USP39: variants seen among roughly 807,000 people sequenced by gnomAD.
The protein encoded by USP39 is ubiquitin specific peptidase 39.
Under a neutral mutation model 66.4 loss-of-function variants are expected in USP39, and 38 were observed. The observed-to-expected ratio is 0.57, with a 90% confidence interval of 0.44 to 0.75. USP39 has a LOEUF of 0.75. Among genes scored for constraint, USP39 ranks in the 30% least tolerant of loss-of-function variants. The pLI is 0.00. For missense variants in USP39, 608 were observed against 714.4 expected (o/e 0.85, Z 1.70); for synonymous variants, 303 against 274.6 (o/e 1.10, Z -1.02).
intron 6 of USP39, among the ~76,000 whole-genome samples, chr2:85,633,732 A>G (rs1403535689): frequency 2.0e-5 from 3 of 151,534 alleles, no homozygotes; most frequent in African/African-American, 4.8e-5. Flanking sequence ...GTCCCACTGT[A>G]CTCCAGCCTG....
At chr2:85,613,410 G>T (rs1157384973), upstream of USP39, among the ~76,000 whole-genome samples, 1 of 152,136 alleles carries the variant, frequency 6.6e-6, no homozygotes, top group Non-Finnish European at 1.5e-5. Context: ...TACTTGGGAG[G>T]CTGAGGCAGG....
intron 6 of USP39, among the ~76,000 whole-genome samples, chr2:85,634,264 C>T (rs932439884): frequency 6.6e-6 from 1 of 151,874 alleles, no homozygotes; most frequent in African/African-American, 2.4e-5. Flanking sequence ...GGGTTGGTTA[C>T]AACATGGCCA....
chr2:85,645,276 GC>G, intron 11 of USP39, 193 bp downstream of exon 11: 4 of 543,088 alleles, frequency 7.4e-6, no homozygotes, highest in Non-Finnish European at 9.1e-6. Flanking sequence ...CACCTTGGGA[GC>G]TTTTTTTTTT....
At chr2:85,640,348 G>C (rs966565509) in intron 9 of USP39, among the ~76,000 whole-genome samples, 1 of 151,448 alleles carries the variant, frequency 6.6e-6, no homozygotes. Flanking sequence ...GAGTGCAGTG[G>C]TGTGATCTCA....
At chr2:85,606,613 G>A (rs909031363) in intron 1 of USP39, 1 of 152,104 alleles carries the variant, frequency 6.6e-6, no homozygotes, top group Non-Finnish European at 1.5e-5. Flanking sequence ...GCTCTCTTGG[G>A]TAAAAAATAT....
chr2:85,612,044 C>A (rs1020330973), upstream of USP39: 2 of 1,256,168 alleles, frequency 1.6e-6, no homozygotes, highest in African/African-American at 1.5e-5. Context: ...GCCACCCGCC[C>A]ACAGAGCTCC....
intron 4 of USP39, among the ~76,000 whole-genome samples, chr2:85,624,031 T>G (rs868398807): frequency 6.6e-6 from 1 of 152,180 alleles, no homozygotes; most frequent in African/African-American, 2.4e-5. Flanking sequence ...AATATGGGTG[T>G]ATTCTGATGG....
At position 85,642,977 on chromosome 2, in the gene USP39, C is replaced by T. The variant is rs1448021678; in HGVS notation, c.1427+1859C>T. On this transcript the variant is annotated intron_variant, in intron 10 of 12. Transcript: ENST00000323701. ...TTAGGCTGGGCGCAGTGGCTCACAT[C>T]TGTAATGTCATCACTTTGGGAGGCC... Among the ~76,000 whole-genome samples, 3 of 151,616 alleles carry T rather than the reference C, an allele frequency of 2.0e-5. No homozygotes were observed. The Admixed American group carries it at 2.0e-4, about 10-fold the overall frequency.
At chr2:85,625,323 T>C (rs1200747946) in intron 4 of USP39, among the ~76,000 whole-genome samples, 1 of 152,178 alleles carries the variant, frequency 6.6e-6, no homozygotes, top group African/African-American at 2.4e-5. Context: ...GATTCAGTGA[T>C]TTTGGGATAG....
At chr2:85,626,068 T>A (rs956541673) in intron 5 of USP39, among the ~76,000 whole-genome samples, 2 of 147,078 alleles carry the variant, frequency 1.4e-5, no homozygotes, top group Non-Finnish European at 3.0e-5. Flanking sequence ...GCCAAGAAAT[T>A]ACTGCCTTCG....
Position 85,616,293 on chromosome 2 carries a change from A to G in USP39, c.98A>G (p.Asp33Gly). ...GSSGRVKRER[D>G]REREPEAASS... is the part of the protein sequence containing the mutation. ...TCCGGTCGCGTCAAGCGGGAGCGAG[A>G]TCGGGAGCGGGAGCCTGAGGCGGCG... The change falls in exon 1 of 13, where the codon GAT becomes GGT. Residue 33 changes from aspartate to glycine, a missense_variant. Coordinates refer to ENST00000323701, the MANE Select transcript of USP39 (RefSeq NM_006590.4). The G allele has an allele frequency of 1.3e-6, 2 of 1,566,686 alleles. No individual in the cohort carries two copies. Among genetic ancestry groups the G allele is most frequent in the South Asian group, 2.3e-5 (2 of 86,238 alleles).
At chr2:85,631,019 GA>G in intron 6 of USP39, 73 bp downstream of exon 6, 2 of 1,497,360 alleles carry the variant, frequency 1.3e-6, no homozygotes, top group East Asian at 2.3e-5. Context: ...ACTTGGCAGT[GA>G]ATTTTTTTTT....
At chr2:85,609,081 G>A, upstream of USP39, 1 of 1,613,814 alleles carries the variant, frequency 6.2e-7, no homozygotes, top group Non-Finnish European at 8.5e-7. Flanking sequence ...CGTGGAGGAA[G>A]AGTCAGAAGG....
chr2:85,627,238 A>G (rs1040324194), intron 5 of USP39, among the ~76,000 whole-genome samples: 17 of 151,128 alleles, frequency 1.1e-4, no homozygotes, highest in Non-Finnish European at 4.4e-5. Context: ...CTGGGATTAC[A>G]GATGCCTGCC....
intron 10 of USP39, 129 bp from the exon 11 acceptor site, chr2:85,644,819 C>T: frequency 7.8e-7 from 1 of 1,284,206 alleles, no homozygotes; most frequent in Non-Finnish European, 1.1e-6. Flanking sequence ...CTTCTTGACT[C>T]TGCAAGCCTA....
chr2:85,630,814 T>G lies in USP39; in HGVS notation c.817T>G (p.Leu273Val). 1 of 1,614,226 alleles carries G rather than the reference T, an allele frequency of 6.2e-7. No homozygotes were observed. Among genetic ancestry groups the G allele is most frequent in the Non-Finnish European group, 8.5e-7 (1 of 1,180,044 alleles). The change falls in exon 6 of 13, where the codon TTG becomes GTG. Residue 273 changes from leucine (L) to valine (V), a missense_variant. By Grantham distance (32) the Leu-to-Val change is conservative (BLOSUM62 1). This residue lies in a region of USP39 where 33 missense variants were observed against 21.7 expected (regional missense o/e 1.52). Coordinates refer to ENST00000323701, the MANE Select transcript of USP39 (RefSeq NM_006590.4). ...KRPPGDIMFLLVQRFGELMRK... is the reference protein window; with the variant it reads ...KRPPGDIMFLVVQRFGELMRK... ...TCCTCCAGGGGATATCATGTTCTTG[T>G]TGGTCCAGCGTTTTGGAGAGCTGAT...
At chr2:85,612,842 G>T (rs926828245), upstream of USP39, among the ~76,000 whole-genome samples, 2 of 151,836 alleles carry the variant, frequency 1.3e-5, no homozygotes, top group Non-Finnish European at 2.9e-5. Flanking sequence ...TGTATTTTTG[G>T]TAGAGATAAG....
intron 6 of USP39, among the ~76,000 whole-genome samples, chr2:85,633,856 G>A (rs1282304598): frequency 6.7e-5 from 1 of 14,822 alleles, no homozygotes; most frequent in Non-Finnish European, 1.5e-4. Flanking sequence ...TTTTTTTTTT[G>A]AGACAGAGTC....
At chr2:85,620,769 C>T (rs545497543) in intron 2 of USP39, among the ~76,000 whole-genome samples, 5 of 152,044 alleles carry the variant, frequency 3.3e-5, no homozygotes, top group Non-Finnish European at 5.9e-5. Flanking sequence ...TGTCTAGTGG[C>T]CTCTAATAAA....
Sources: gnomAD v4.1 joint callset for allele counts (sites outside exome capture counted in the v4.1 genomes callset) on GRCh38, gnomAD v4.1.1 for gene constraint, gnomAD v4.1.1 regional missense constraint, MANE v1.5 for transcripts, NCBI Gene and HGNC (gene_info 2026-07-23, HGNC 2026-07-21) for gene names.